GLIS3: variants seen among roughly 807,000 people sequenced by gnomAD.
The protein encoded by GLIS3 is GLIS family zinc finger 3, also known as zinc finger protein GLIS3.
A neutral mutation model predicts 78.6 loss-of-function variants in GLIS3; 53 were observed. That is an observed-to-expected ratio of 0.67 (90% confidence interval 0.54 to 0.85). The LOEUF is 0.85. GLIS3 is among the 40% of genes least tolerant of loss of function. The pLI is 0.00. For synonymous variants in GLIS3, 684 were observed against 509.9 expected (o/e 1.34, Z -4.60); for missense variants, 1,703 against 1,231.1 (o/e 1.38, Z -5.74).
At chr9:3,946,722 C>G (rs1816319134) in intron 4 of GLIS3, among the ~76,000 whole-genome samples, 1 of 152,200 alleles carries the variant, frequency 6.6e-6, no homozygotes, top group Non-Finnish European at 1.5e-5. Context: ...CAAATCTGAG[C>G]TAGATACACA....
intron 9 of GLIS3, among the ~76,000 whole-genome samples, chr9:3,848,821 T>C (rs1289594398): frequency 6.6e-6 from 1 of 152,244 alleles, no homozygotes; most frequent in African/African-American, 2.4e-5. Context: ...TGTTTCTTGT[T>C]GCAGTCAATT....
intron 7 of GLIS3, among the ~76,000 whole-genome samples, chr9:3,888,026 T>G (rs138125321): frequency 2.6e-5 from 4 of 152,220 alleles, no homozygotes; most frequent in Non-Finnish European, 4.4e-5. Context: ...GTCAGTAAAA[T>G]AGCTGGAACA....
chr9:3,958,299 C>G (rs1175134725), intron 4 of GLIS3, among the ~76,000 whole-genome samples: 2 of 152,084 alleles, frequency 1.3e-5, no homozygotes, highest in African/African-American at 2.4e-5. Context: ...TATTGAGCGT[C>G]TAGTATGCAT....
At chr9:3,947,070 G>A (rs1171272910) in intron 4 of GLIS3, among the ~76,000 whole-genome samples, 1 of 152,090 alleles carries the variant, frequency 6.6e-6, no homozygotes, top group Non-Finnish European at 1.5e-5. Flanking sequence ...TGGGAGGCAG[G>A]GACTCCAATC....
intron 4 of GLIS3, among the ~76,000 whole-genome samples, chr9:3,937,684 T>C (rs185042167): frequency 5.6e-4 from 85 of 152,324 alleles, no homozygotes; most frequent in Non-Finnish European, 1.1e-3. Context: ...ATGTGTCCAC[T>C]AGATCAATAT....
intron 4 of GLIS3, among the ~76,000 whole-genome samples, chr9:3,951,632 C>A (rs1258278688): frequency 6.6e-6 from 1 of 151,964 alleles, no homozygotes; most frequent in Non-Finnish European, 1.5e-5. Flanking sequence ...ACCGACCGGT[C>A]CTCCTTAGCT....
chr9:4,124,695 G>C (rs892602948), intron 3 of GLIS3, among the ~76,000 whole-genome samples: 1 of 152,138 alleles, frequency 6.6e-6, no homozygotes, highest in Non-Finnish European at 1.5e-5. Context: ...TGACTAGGAG[G>C]GACAGCACAG....
chr9:3,866,797 T>C (rs188742022), intron 8 of GLIS3, among the ~76,000 whole-genome samples: 12 of 152,350 alleles, frequency 7.9e-5, no homozygotes, highest in Middle Eastern at 3.4e-3. Flanking sequence ...GGGAGAGGTG[T>C]GAACATATAT....
At chr9:4,164,802 A>AACCC (rs1835755180) in intron 2 of GLIS3, among the ~76,000 whole-genome samples, 2 of 152,200 alleles carry the variant, frequency 1.3e-5, no homozygotes, top group African/African-American at 4.8e-5. Context: ...AAGGCAGTAA[A>AACCC]ACTCAGATGA....
At chr9:4,326,420 T>C (rs993873279) in intron 2 of GLIS3, among the ~76,000 whole-genome samples, 1 of 152,124 alleles carries the variant, frequency 6.6e-6, no homozygotes, top group African/African-American at 2.4e-5. Flanking sequence ...TGGACACATC[T>C]CGAAAACATT....
the GLIS3 span, among the ~76,000 whole-genome samples, chr9:4,458,895 A>G: frequency 6.6e-6 from 1 of 152,218 alleles, no homozygotes; most frequent in African/African-American, 2.4e-5. Context: ...ATGTTCAAAG[A>G]CAAGCAAGGG....
chr9:4,302,910 G>C (rs143945084), upstream of GLIS3, among the ~76,000 whole-genome samples: 1 of 152,288 alleles, frequency 6.6e-6, no homozygotes, highest in African/African-American at 2.4e-5. Context: ...AGAATGAGTA[G>C]AGAAGTGATA....
chr9:3,923,629 T>C (rs1825041903), intron 6 of GLIS3, among the ~76,000 whole-genome samples: 2 of 152,014 alleles, frequency 1.3e-5, no homozygotes, highest in South Asian at 4.1e-4. Context: ...ATATTAGGGT[T>C]GCTAAATAAC....
intron 2 of GLIS3, among the ~76,000 whole-genome samples, chr9:4,257,586 T>TTG (rs376998444): frequency 3.0e-4 from 45 of 150,456 alleles, no homozygotes; most frequent in Admixed American, 4.6e-4. Flanking sequence ...GTTGTTGTTA[T>TTG]TTTTTGAGAC....
At chr9:4,426,687 C>G in the GLIS3 span, among the ~76,000 whole-genome samples, 1 of 152,216 alleles carries the variant, frequency 6.6e-6, no homozygotes, top group Non-Finnish European at 1.5e-5. Context: ...CCTTTGAGGT[C>G]TGAAACTAGA....
chr9:4,318,787 A>C (rs1297531762), intron 2 of GLIS3, among the ~76,000 whole-genome samples: 1 of 152,200 alleles, frequency 6.6e-6, no homozygotes, highest in East Asian at 1.9e-4. Context: ...TGCTAAAACT[A>C]TTAGGTGAAA....
intron 2 of GLIS3, among the ~76,000 whole-genome samples, chr9:4,266,161 G>A (rs947057268): frequency 3.3e-5 from 5 of 151,380 alleles, no homozygotes; most frequent in Non-Finnish European, 5.9e-5. Flanking sequence ...CTCATGATCC[G>A]CCTGCCTCAG....
At chr9:3,947,024 G>A (rs968939043) in intron 4 of GLIS3, among the ~76,000 whole-genome samples, 2 of 152,090 alleles carry the variant, frequency 1.3e-5, no homozygotes, top group Admixed American at 6.6e-5. Flanking sequence ...ACGACGCCAC[G>A]CCTCTGTCGG....
chr9:4,416,858 G>A, the GLIS3 span, among the ~76,000 whole-genome samples: 2 of 105,124 alleles, frequency 1.9e-5, no homozygotes, highest in Admixed American at 2.6e-4. Context: ...CACTCTTGTT[G>A]CCCAGGCTGG....
Sources: allele counts gnomAD v4.1 joint callset (sites outside exome capture counted in the v4.1 genomes callset), GRCh38; gene constraint gnomAD v4.1.1; transcripts MANE v1.5; gene names NCBI Gene and HGNC (gene_info 2026-07-23, HGNC 2026-07-21).